Variants in TIAM1 observed in about 807,000 individuals in gnomAD.
TIAM1 encodes the protein rho guanine nucleotide exchange factor TIAM1.
Under a neutral mutation model 163.5 loss-of-function variants are expected in TIAM1, and 65 were observed. The observed-to-expected ratio is 0.40, with a 90% CI of 0.33 to 0.49. TIAM1 has a LOEUF of 0.49. Among genes scored for constraint, TIAM1 ranks in the 20% least tolerant of loss-of-function variants. TIAM1 has a pLI of 0.77. For synonymous variants in TIAM1, 833 were observed against 810.1 expected (o/e 1.03, Z -0.48); for missense variants, 1,789 against 2,044.7 (o/e 0.87, Z 2.41).
At chr21:31,412,073 T>C (rs12626453) in intron 2 of TIAM1, among the ~76,000 whole-genome samples, 5,533 of 152,118 alleles carry the variant, frequency 0.036, 171 homozygotes, top group East Asian at 0.1. Flanking sequence ...GGAAATGTGA[T>C]ATATATACAC....
In TIAM1 at chr21:31,124,606, G is replaced by A. The variant is rs1352587090; in HGVS notation, c.4222C>T (p.Leu1408Phe). The A allele has an allele frequency of 1.2e-6, 2 of 1,613,978 alleles. No individual in the cohort carries two copies. Among genetic ancestry groups the A allele is most frequent in the Non-Finnish European group, 1.7e-6 (2 of 1,179,930 alleles). ...GGGACATATTGCTGGGATGAGGGAA[G>A]GCTCTCGGTTTTGAGGAGCTGTCTT... Reference protein sequence around the residue: ...HRRQLLKTESLPSSQQYVPFG... With the variant: ...HRRQLLKTESFPSSQQYVPFG... The change falls in exon 27 of 28, where the codon CTT becomes TTT. Residue 1408 changes from leucine (L) to phenylalanine (F), a missense_variant. Coordinates refer to ENST00000541036, the MANE Select transcript of TIAM1 (RefSeq NM_001353694.2).
chr21:31,295,215 A>C (rs1369533922), intron 2 of TIAM1, among the ~76,000 whole-genome samples: 2 of 152,166 alleles, frequency 1.3e-5, no homozygotes, highest in Non-Finnish European at 2.9e-5. Flanking sequence ...TTACGCCTGC[A>C]ATCCCAGCAC....
chr21:31,558,664 G>C (rs1463576483), intron 1 of TIAM1, among the ~76,000 whole-genome samples: 7 of 152,142 alleles, frequency 4.6e-5, no homozygotes, highest in African/African-American at 9.7e-5. Context: ...TGGGCTGCAC[G>C]GTCTCGTCTC....
At chr21:31,182,984 G>A (rs904404359) in intron 14 of TIAM1, among the ~76,000 whole-genome samples, 2 of 152,152 alleles carry the variant, frequency 1.3e-5, no homozygotes, top group Non-Finnish European at 2.9e-5. Flanking sequence ...CGGGGCGAGC[G>A]GGGAATGGCA....
chr21:31,205,042 A>C (rs1391727462), intron 11 of TIAM1, among the ~76,000 whole-genome samples: 1 of 152,226 alleles, frequency 6.6e-6, no homozygotes, highest in Non-Finnish European at 1.5e-5. Flanking sequence ...CAAAGATAAT[A>C]AGGCTGGAGG....
At chr21:31,366,938 A>T (rs549910058) in intron 2 of TIAM1, among the ~76,000 whole-genome samples, 1 of 152,300 alleles carries the variant, frequency 6.6e-6, no homozygotes, top group South Asian at 2.1e-4. Context: ...ACTTTACTGG[A>T]AATCTTGACT....
intron 1 of TIAM1, among the ~76,000 whole-genome samples, chr21:31,479,438 TGGAA>T (rs2046039215): frequency 7.4e-6 from 1 of 134,854 alleles, no homozygotes; most frequent in African/African-American, 2.7e-5. Flanking sequence ...GACGGATGAA[TGGAA>T]GGATGGATGG....
At chr21:31,158,934 C>T (rs545877993) in intron 16 of TIAM1, among the ~76,000 whole-genome samples, 1 of 152,232 alleles carries the variant, frequency 6.6e-6, no homozygotes, top group Non-Finnish European at 1.5e-5. Flanking sequence ...CTAGTCATTC[C>T]CACACCAAGC....
intron 2 of TIAM1, among the ~76,000 whole-genome samples, chr21:31,305,854 T>C (rs1339128314): frequency 1.3e-5 from 2 of 152,158 alleles, no homozygotes; most frequent in African/African-American, 2.4e-5. Flanking sequence ...CTACAAGATA[T>C]ACTTTTTTTA....
chr21:31,489,446 A>T (rs1481471611), intron 1 of TIAM1, among the ~76,000 whole-genome samples: 1 of 142,392 alleles, frequency 7.0e-6, no homozygotes, highest in African/African-American at 2.7e-5. Flanking sequence ...AAGCAGGAGG[A>T]GAAGAAAGAA....
chr21:31,257,898 A>ACCCCCCCCCC (rs2072210120), intron 4 of TIAM1, among the ~76,000 whole-genome samples: 1 of 137,718 alleles, frequency 7.3e-6, no homozygotes, highest in African/African-American at 2.8e-5. Context: ...CTCCTCTCCC[A>ACCCCCCCCCC]CCTCCACCCC....
intron 13 of TIAM1, among the ~76,000 whole-genome samples, 177 bp downstream of exon 13, chr21:31,195,047 G>T (rs188585489): frequency 6.6e-6 from 1 of 152,132 alleles, no homozygotes; most frequent in African/African-American, 2.4e-5. Flanking sequence ...AGTCTACATC[G>T]TACCCAGAGT....
intron 1 of TIAM1, among the ~76,000 whole-genome samples, chr21:31,510,981 T>G (rs2047194668): frequency 6.6e-6 from 1 of 152,154 alleles, no homozygotes; most frequent in Non-Finnish European, 1.5e-5. Context: ...AGGTAACCAT[T>G]TGAAAGCAGA....
At chr21:31,384,492 T>C (rs146632868) in intron 2 of TIAM1, among the ~76,000 whole-genome samples, 246 of 152,114 alleles carry the variant, frequency 1.6e-3, no homozygotes, top group Non-Finnish European at 2.4e-3. Flanking sequence ...GGAGGATTGT[T>C]TGAGCACAGC....
chr21:31,374,589 C>G (rs953817856), intron 2 of TIAM1, among the ~76,000 whole-genome samples: 3 of 152,174 alleles, frequency 2.0e-5, no homozygotes, highest in African/African-American at 7.2e-5. Flanking sequence ...ACAGGAGGGG[C>G]TGTGAAACTC....
At chr21:31,558,876 C>T (rs1467355821) in intron 1 of TIAM1, 2 of 152,092 alleles carry the variant, frequency 1.3e-5, no homozygotes, top group African/African-American at 4.8e-5. Flanking sequence ...CCGCCGTCTC[C>T]CGGGGCGGCT....
At chr21:31,493,732 T>C (rs1474296609) in intron 1 of TIAM1, among the ~76,000 whole-genome samples, 1 of 151,962 alleles carries the variant, frequency 6.6e-6, no homozygotes, top group African/African-American at 2.4e-5. Flanking sequence ...AATAAATGGA[T>C]CCAGCAGCAG....
At chr21:31,261,637 T>C (rs952416500) in intron 4 of TIAM1, among the ~76,000 whole-genome samples, 9 of 152,066 alleles carry the variant, frequency 5.9e-5, no homozygotes, top group Non-Finnish European at 2.9e-5. Context: ...CGCTTGAACC[T>C]GGGAGGCAGA....
chr21:31,137,783 G>C lies in TIAM1; in HGVS notation c.3775-1742C>G, dbSNP rs139161968. Among the ~76,000 whole-genome samples the C allele has an allele frequency of 4.6e-3, 693 of 151,260 alleles. 2 individuals carry two copies. Among genetic ancestry groups the C allele is most frequent in the African/African-American group, 0.016 (652 of 41,110 alleles). On this transcript the variant is annotated intron_variant, in intron 22 of 27. Transcript: ENST00000541036. Reference sequence around the variant, plus strand: ...GCCCAAGACAGCCATTGCTGCTTCAGCCTGGATCCTGGAAGGAAGAGACAA... The same window carrying C: ...GCCCAAGACAGCCATTGCTGCTTCACCCTGGATCCTGGAAGGAAGAGACAA...
Sources: allele counts gnomAD v4.1 joint callset (sites outside exome capture counted in the v4.1 genomes callset), GRCh38; gene constraint gnomAD v4.1.1; transcripts MANE v1.5; gene names NCBI Gene and HGNC (gene_info 2026-07-23, HGNC 2026-07-21).